Variants in IGFBP7 observed in about 807,000 individuals in gnomAD.
IGFBP7 encodes the protein insulin like growth factor binding protein 7.
Under a neutral mutation model 29.4 loss-of-function variants are expected in IGFBP7, and 31 were observed. The ratio of observed to expected loss-of-function variants is 1.05; its 90% confidence interval spans 0.79 to 1.42. The LOEUF (loss-of-function observed/expected upper bound fraction) is 1.42, where lower values mean the gene tolerates loss of function less well. Among genes scored for constraint, IGFBP7 ranks in the 40% most tolerant of loss-of-function variants. The probability of loss-of-function intolerance (pLI) is 0.00; values close to 1 mark genes in which losing one functional copy is unlikely to be tolerated. For synonymous variants in IGFBP7, 172 were observed against 174.9 expected, an observed-to-expected ratio of 0.98 and a Z score of 0.13; for missense variants, 393 against 395.5, an observed-to-expected ratio of 0.99 and a Z score of 0.05.
chr4:57,109,877 C>G lies in IGFBP7; in HGVS notation c.475G>C (p.Gly159Arg). The G allele has an allele frequency of 6.5e-7, 1 of 1,542,318 alleles. No individual in the cohort carries two copies. The highest frequency in any genetic ancestry group is 8.7e-7 in the Non-Finnish European group (1 of 1,150,024). ...TGGAGAGGGAAGCGCTCGTGCCCAC[C>G]TTGCTCGCAGGTGCCCTTGCTGACC... ...TQVSKGTCEQ[G>R]PSIVTPPKDI... is the part of the protein sequence containing the mutation. Residue 159 changes from glycine to arginine, a missense_variant and splice_region_variant, in exon 1 of 5, where the codon GGT (glycine) becomes CGT (arginine). Gly to Arg is a moderately radical substitution (Grantham distance 125). Coordinates refer to ENST00000295666, the MANE Select transcript of IGFBP7 (RefSeq NM_001553.3).
chr4:57,046,541 C>T (rs1460610255), intron 1 of IGFBP7, among the ~76,000 whole-genome samples: 1 of 152,152 alleles, frequency 6.6e-6, no homozygotes, highest in African/African-American at 2.4e-5. Context: ...GTAATAACAA[C>T]ATTATCATCT....
intron 1 of IGFBP7, among the ~76,000 whole-genome samples, chr4:57,075,744 A>G (rs1578635889): frequency 6.6e-6 from 1 of 152,188 alleles, no homozygotes; most frequent in African/African-American, 2.4e-5. Context: ...AATAAAGTCC[A>G]GATAATTTTC....
chr4:57,048,652 G>A (rs187392240), intron 1 of IGFBP7, among the ~76,000 whole-genome samples: 67 of 152,232 alleles, frequency 4.4e-4, no homozygotes, highest in Admixed American at 1.5e-3. Context: ...TTGGTAGTGA[G>A]GACAGAGTTA....
chr4:57,078,686 A>AT (rs34999031), intron 1 of IGFBP7, among the ~76,000 whole-genome samples: 75,799 of 148,288 alleles, frequency 0.51, 20,267 homozygotes, highest in Admixed American at 0.62. Context: ...TGAGTTTAGG[A>AT]TTTTTTTTTT....
intron 1 of IGFBP7, among the ~76,000 whole-genome samples, chr4:57,064,603 G>A (rs1056231064): frequency 1.3e-5 from 2 of 152,136 alleles, no homozygotes; most frequent in South Asian, 2.1e-4. Flanking sequence ...TAGTGAGCTG[G>A]GTGACAAGAG....
chr4:57,063,033 C>T (rs1724835385), intron 1 of IGFBP7, among the ~76,000 whole-genome samples: 1 of 152,150 alleles, frequency 6.6e-6, no homozygotes, highest in African/African-American at 2.4e-5. Flanking sequence ...ACCCTGAGCT[C>T]CAGCCATAAT....
intron 2 of IGFBP7, among the ~76,000 whole-genome samples, chr4:57,038,106 T>C (rs1724126702): frequency 6.6e-6 from 1 of 152,230 alleles, no homozygotes; most frequent in Admixed American, 6.5e-5. Context: ...CATTTTCTGG[T>C]ACCTGTTCCC....
intron 1 of IGFBP7, among the ~76,000 whole-genome samples, chr4:57,057,299 T>C (rs1466816826): frequency 6.6e-6 from 1 of 152,206 alleles, no homozygotes; most frequent in African/African-American, 2.4e-5. Context: ...TGTGAGCCAG[T>C]GCACCCATCC....
At chr4:57,065,923 G>A (rs1313492261) in intron 1 of IGFBP7, among the ~76,000 whole-genome samples, 2 of 152,210 alleles carry the variant, frequency 1.3e-5, no homozygotes, top group South Asian at 2.1e-4. Flanking sequence ...GGACTCTCAG[G>A]GTTGTCTGGC....
intron 1 of IGFBP7, among the ~76,000 whole-genome samples, chr4:57,106,850 T>C (rs1427128342): frequency 6.6e-6 from 1 of 152,224 alleles, no homozygotes; most frequent in African/African-American, 2.4e-5. Flanking sequence ...TCAACTTCTT[T>C]TTATTAAATG....
chr4:57,057,317 G>A (rs1724698770), intron 1 of IGFBP7, among the ~76,000 whole-genome samples: 1 of 152,200 alleles, frequency 6.6e-6, no homozygotes. Flanking sequence ...TCCGTAGATT[G>A]GGTTTTAAAG....
At chr4:57,033,736 A>G (rs1724008760) in intron 2 of IGFBP7, among the ~76,000 whole-genome samples, 1 of 152,176 alleles carries the variant, frequency 6.6e-6, no homozygotes, top group Admixed American at 6.5e-5. Context: ...CAGCTTCATC[A>G]ATGGAAAATA....
intron 1 of IGFBP7, among the ~76,000 whole-genome samples, chr4:57,098,041 A>G (rs1429193461): frequency 1.3e-5 from 2 of 152,192 alleles, no homozygotes; most frequent in African/African-American, 4.8e-5. Flanking sequence ...ATCCTAAGAC[A>G]TGTGAAAAAC....
chr4:57,049,497 C>T (rs1311187264), intron 1 of IGFBP7, among the ~76,000 whole-genome samples: 1 of 152,196 alleles, frequency 6.6e-6, no homozygotes, highest in East Asian at 1.9e-4. Flanking sequence ...TTTGCTTATG[C>T]TGATGCCCTT....
In IGFBP7 at chr4:57,032,425, C is replaced by G; in HGVS notation, c.829+1G>C. The G allele has an allele frequency of 6.2e-7, 1 of 1,613,674 alleles. No individual in the cohort carries two copies. The highest frequency in any genetic ancestry group is 1.1e-5 in the South Asian group (1 of 91,020). On this transcript the variant is annotated splice_donor_variant, in intron 4 of 4. Coordinates refer to ENST00000295666, the MANE Select transcript of IGFBP7 (RefSeq NM_001553.3). LOFTEE classifies it high-confidence loss of function. ...AAATGGCTGTGAGATTTATTGTGTA[C>G]CTTTTTTCACTGGTATTTCATGTAA...
At chr4:57,089,912 C>A (rs1192979773) in intron 1 of IGFBP7, among the ~76,000 whole-genome samples, 2 of 152,136 alleles carry the variant, frequency 1.3e-5, no homozygotes, top group East Asian at 3.9e-4. Context: ...GGTGCAGAAG[C>A]CTTCTTGCAA....
intron 1 of IGFBP7, among the ~76,000 whole-genome samples, chr4:57,090,255 C>T (rs1725603604): frequency 6.6e-6 from 1 of 152,216 alleles, no homozygotes; most frequent in East Asian, 1.9e-4. Flanking sequence ...TTCCTTCACT[C>T]TTTGTTTGCG....
chr4:57,097,110 C>T (rs1725780420), intron 1 of IGFBP7, among the ~76,000 whole-genome samples: 1 of 152,094 alleles, frequency 6.6e-6, no homozygotes, highest in Non-Finnish European at 1.5e-5. Flanking sequence ...TGAATATTTC[C>T]TATGTATAAA....
intron 1 of IGFBP7, among the ~76,000 whole-genome samples, chr4:57,050,346 G>T (rs1206044742): frequency 6.6e-6 from 1 of 151,076 alleles, no homozygotes; most frequent in Non-Finnish European, 1.5e-5. Context: ...GTGGGTTCAA[G>T]CGATTCTCCT....
Sources: gnomAD v4.1 joint callset for allele counts (sites outside exome capture counted in the v4.1 genomes callset) on GRCh38, gnomAD v4.1.1 for gene constraint, MANE v1.5 for transcripts, NCBI Gene and HGNC (gene_info 2026-07-23, HGNC 2026-07-21) for gene names.